RANBP2: variants seen among roughly 807,000 people sequenced by gnomAD.
RANBP2 encodes the protein RAN binding protein 2.
In RANBP2, 57 loss-of-function variants were observed where a neutral mutation model predicts 303.6. The ratio of observed to expected loss-of-function variants is 0.19; its 90% CI spans 0.15 to 0.23. The LOEUF (loss-of-function observed/expected upper bound fraction) is 0.23, where lower values mean the gene tolerates loss of function less well. Among genes scored for constraint, RANBP2 ranks in the 10% least tolerant of loss-of-function variants. The pLI is 1.00. For synonymous variants in RANBP2, 1,167 were observed against 1,301.5 expected, an observed-to-expected ratio of 0.90 and a Z score of 2.23; for missense variants, 3,138 against 3,780.8, an observed-to-expected ratio of 0.83 and a Z score of 4.46.
the RANBP2 span, chr2:109,398,814 A>T: frequency 6.2e-7 from 1 of 1,613,792 alleles, no homozygotes. Context: ...TGACGCACAG[A>T]TCCTCCCAGG....
the RANBP2 span, among the ~76,000 whole-genome samples, chr2:109,489,037 T>A: frequency 1.1e-4 from 17 of 152,094 alleles, no homozygotes; most frequent in African/African-American, 4.1e-4. Flanking sequence ...CCAGGATGAG[T>A]CCAGCCTTGG....
the RANBP2 span, among the ~76,000 whole-genome samples, chr2:109,178,847 T>G: frequency 6.6e-6 from 1 of 152,236 alleles, no homozygotes; most frequent in Non-Finnish European, 1.5e-5. Context: ...TATGGACATA[T>G]TCACTGAATT....
chr2:109,027,016 G>T, the RANBP2 span, among the ~76,000 whole-genome samples: 1 of 152,156 alleles, frequency 6.6e-6, no homozygotes, highest in Admixed American at 6.5e-5. Context: ...GGCCAAAGTG[G>T]GCAGATCACT....
chr2:108,766,384 G>C lies in RANBP2; in HGVS notation c.5845G>C (p.Asp1949His), dbSNP rs765786877. The C allele has an allele frequency of 1.9e-6, 3 of 1,611,968 alleles. No individual in the cohort carries two copies. The highest frequency in any genetic ancestry group is 2.5e-6 in the Non-Finnish European group (3 of 1,179,848). Reference sequence around the variant, plus strand: ...AACAAGTAGCACTTTTACATTTGCAGATCTTGCAAAATCAACTTCAGGAGA... The same window carrying C: ...AACAAGTAGCACTTTTACATTTGCACATCTTGCAAAATCAACTTCAGGAGA... ...GQTSSTFTFA[D>H]LAKSTSGEGF... The change falls in exon 20 of 29, where the codon GAT becomes CAT. Residue 1949 changes from aspartate (D) to histidine (H), a missense_variant. Transcript: ENST00000283195.
At chr2:109,395,526 C>T in the RANBP2 span, among the ~76,000 whole-genome samples, 3 of 152,048 alleles carry the variant, frequency 2.0e-5, no homozygotes, top group Admixed American at 2.0e-4. Flanking sequence ...CTTCTCCTGC[C>T]GTCTGTTGAA....
chr2:109,144,766 G>A, the RANBP2 span, among the ~76,000 whole-genome samples: 1 of 152,228 alleles, frequency 6.6e-6, no homozygotes, highest in Admixed American at 6.5e-5. Context: ...CACACTGTCT[G>A]CATCAGTCAG....
chr2:109,207,869 A>C, the RANBP2 span, among the ~76,000 whole-genome samples: 5 of 152,208 alleles, frequency 3.3e-5, no homozygotes, highest in Admixed American at 6.5e-5. Context: ...CCAATTTAAC[A>C]AATTGGCCTA....
the RANBP2 span, among the ~76,000 whole-genome samples, chr2:109,222,782 T>G: frequency 6.6e-6 from 1 of 152,248 alleles, no homozygotes; most frequent in Non-Finnish European, 1.5e-5. Context: ...AAGGACTTTT[T>G]GGTTTGCTAA....
chr2:108,904,168 A>T, the RANBP2 span, among the ~76,000 whole-genome samples: 1 of 152,208 alleles, frequency 6.6e-6, no homozygotes, highest in African/African-American at 2.4e-5. Context: ...ACATGAAGAA[A>T]CATTCATTTT....
chr2:109,195,414 A>C, the RANBP2 span, among the ~76,000 whole-genome samples: 1 of 152,232 alleles, frequency 6.6e-6, no homozygotes, highest in Non-Finnish European at 1.5e-5. Flanking sequence ...GCCTGCGGAC[A>C]CCAGCGTCTG....
chr2:109,740,269 G>A, the RANBP2 span, among the ~76,000 whole-genome samples: 2 of 151,940 alleles, frequency 1.3e-5, no homozygotes, highest in South Asian at 2.1e-4. Context: ...TTACAGGCGT[G>A]AGCCACTGCG....
chr2:109,056,088 T>A, the RANBP2 span, among the ~76,000 whole-genome samples: 1 of 151,964 alleles, frequency 6.6e-6, no homozygotes, highest in African/African-American at 2.4e-5. Flanking sequence ...TTATGATTAT[T>A]TTGCTGTTGC....
chr2:109,273,189 G>A, the RANBP2 span, among the ~76,000 whole-genome samples: 1 of 152,218 alleles, frequency 6.6e-6, no homozygotes, highest in Admixed American at 6.5e-5. Context: ...TAACTAGGAA[G>A]ATCCTAGGCC....
chr2:109,122,834 G>A, the RANBP2 span, among the ~76,000 whole-genome samples: 3 of 152,180 alleles, frequency 2.0e-5, no homozygotes, highest in East Asian at 5.8e-4. Flanking sequence ...TTGTGCCACT[G>A]CGCTCCAAAC....
the RANBP2 span, among the ~76,000 whole-genome samples, chr2:109,489,312 C>G: frequency 5.6e-4 from 85 of 152,366 alleles, no homozygotes; most frequent in African/African-American, 2.0e-3. Flanking sequence ...TAAGCAGTAT[C>G]CCACAGCCAC....
the RANBP2 span, among the ~76,000 whole-genome samples, chr2:108,989,955 T>C: frequency 1.3e-5 from 2 of 152,176 alleles, no homozygotes; most frequent in African/African-American, 2.4e-5. Context: ...TTGTCCCCTC[T>C]GCCTTGGAAA....
the RANBP2 span, among the ~76,000 whole-genome samples, chr2:109,584,611 C>T: frequency 0.019 from 2,933 of 151,736 alleles, 78 homozygotes; most frequent in African/African-American, 0.061. Context: ...AATCTTTATA[C>T]GACCTTAGGA....
At chr2:109,422,807 A>G in the RANBP2 span, among the ~76,000 whole-genome samples, 1 of 152,178 alleles carries the variant, frequency 6.6e-6, no homozygotes, top group Non-Finnish European at 1.5e-5. Context: ...CTTCGTGGGC[A>G]TCTTAGAGCC....
chr2:109,450,725 C>T, the RANBP2 span, among the ~76,000 whole-genome samples: 1 of 152,150 alleles, frequency 6.6e-6, no homozygotes, highest in African/African-American at 2.4e-5. Context: ...CTCCAGGGCT[C>T]AGGGCCCATG....
Sources: gnomAD v4.1 joint callset for allele counts (sites outside exome capture counted in the v4.1 genomes callset) on GRCh38, gnomAD v4.1.1 for gene constraint, MANE v1.5 for transcripts, NCBI Gene and HGNC (gene_info 2026-07-23, HGNC 2026-07-21) for gene names.